The following EXOC4 variants were observed in gnomAD, a reference collection of about 807,000 sequenced individuals.
EXOC4 encodes the protein exocyst complex component 4.
In EXOC4, 71 loss-of-function variants were observed where a neutral mutation model predicts 107.2. The ratio of observed to expected loss-of-function variants is 0.66; its 90% CI spans 0.55 to 0.81. The LOEUF is 0.81. EXOC4 is among the 30% of genes least tolerant of loss of function. EXOC4 has a pLI of 0.00. For missense variants in EXOC4, 1,108 were observed against 1,189.6 expected, an observed-to-expected ratio of 0.93 and a Z score of 1.01; for synonymous variants, 456 against 441.2, an observed-to-expected ratio of 1.03 and a Z score of -0.42.
intron 11 of EXOC4, among the ~76,000 whole-genome samples, chr7:133,821,807 TC>T (rs1305995809): frequency 6.6e-6 from 1 of 152,082 alleles, no homozygotes; most frequent in Non-Finnish European, 1.5e-5. Context: ...CTCTCCTAAA[TC>T]CCCAGCTCCT....
intron 7 of EXOC4, among the ~76,000 whole-genome samples, chr7:133,449,194 T>C (rs947860940): frequency 2.0e-5 from 3 of 152,042 alleles, no homozygotes; most frequent in African/African-American, 7.2e-5. Context: ...AGGCAGAGAT[T>C]AGAGTAAAAC....
At chr7:133,811,128 A>G (rs975563804) in intron 10 of EXOC4, among the ~76,000 whole-genome samples, 4 of 152,172 alleles carry the variant, frequency 2.6e-5, no homozygotes, top group Admixed American at 6.5e-5. Flanking sequence ...CTCTTTTTCC[A>G]TATACACAGA....
At chr7:133,969,180 T>C (rs1478514242) in intron 14 of EXOC4, among the ~76,000 whole-genome samples, 1 of 152,250 alleles carries the variant, frequency 6.6e-6, no homozygotes, top group Non-Finnish European at 1.5e-5. Context: ...GCTGTGTTTT[T>C]CAGCTCCATC....
rs187325053 is a variant in EXOC4, at chr7:133,341,983, A to G, written c.764-14347A>G. Among the ~76,000 whole-genome samples, 4 of 152,248 alleles carry G rather than the reference A, an allele frequency of 2.6e-5. No homozygotes were observed. The East Asian group carries it at 7.7e-4, about 29-fold the overall frequency. Reference sequence around the variant, plus strand: ...ATACTTGGTTGATGAGTTCTTACCCATTCTGCCATTCTGTATCTTTTACGT... The same window carrying G: ...ATACTTGGTTGATGAGTTCTTACCCGTTCTGCCATTCTGTATCTTTTACGT... On this transcript the variant is annotated intron_variant, in intron 5 of 17. Coordinates refer to ENST00000253861, the MANE Select transcript of EXOC4 (RefSeq NM_021807.4).
At position 133,512,254 on chromosome 7, in the gene EXOC4, A is replaced by G. The variant is rs373884570; in HGVS notation, c.1417+32116A>G. On this transcript the variant is annotated intron_variant, in intron 9 of 17. Coordinates refer to ENST00000253861, the MANE Select transcript of EXOC4 (RefSeq NM_021807.4). ...AGACCAGCCTGGCCAACATGGGGAA[A>G]CCCCGTCTCTACAAAGAATACAAAA... is the stretch of plus-strand genomic sequence containing the variant. Among the ~76,000 whole-genome samples the G allele has an allele frequency of 9.3e-4, 142 of 152,072 alleles. 1 individual carries two copies. Among genetic ancestry groups the G allele is most frequent in the African/African-American group, 3.2e-3 (133 of 41,486 alleles).
intron 9 of EXOC4, among the ~76,000 whole-genome samples, chr7:133,604,486 G>A (rs964821829): frequency 3.9e-5 from 6 of 151,980 alleles, no homozygotes; most frequent in African/African-American, 1.4e-4. Context: ...CTAGGTGACA[G>A]GAATTTTTCT....
chr7:133,277,951 A>T (rs1794035456), intron 2 of EXOC4, among the ~76,000 whole-genome samples: 1 of 152,216 alleles, frequency 6.6e-6, no homozygotes, highest in Non-Finnish European at 1.5e-5. Context: ...AACATGGATG[A>T]TTCAGTAACG....
chr7:133,437,031 C>G (rs1160427828), intron 7 of EXOC4, among the ~76,000 whole-genome samples: 1 of 151,778 alleles, frequency 6.6e-6, no homozygotes, highest in Non-Finnish European at 1.5e-5. Flanking sequence ...GAGAAACTTC[C>G]ATGATTCATT....
chr7:133,423,489 T>C (rs1428253625), intron 7 of EXOC4, among the ~76,000 whole-genome samples: 1 of 152,248 alleles, frequency 6.6e-6, no homozygotes, highest in Non-Finnish European at 1.5e-5. Flanking sequence ...GGTGTGAGTA[T>C]GTGCATGTGT....
At chr7:133,689,344 C>G (rs2151075761) in intron 10 of EXOC4, among the ~76,000 whole-genome samples, 1 of 152,142 alleles carries the variant, frequency 6.6e-6, no homozygotes, top group East Asian at 1.9e-4. Flanking sequence ...TTCATGATAC[C>G]TGTTAAAGAT....
At chr7:133,766,249 A>G (rs1242195387) in intron 10 of EXOC4, among the ~76,000 whole-genome samples, 1 of 152,036 alleles carries the variant, frequency 6.6e-6, no homozygotes, top group African/African-American at 2.4e-5. Context: ...TTGGCAAGAC[A>G]TATTACAATT....
intron 9 of EXOC4, among the ~76,000 whole-genome samples, chr7:133,590,446 C>G (rs1400199624): frequency 6.6e-6 from 1 of 152,056 alleles, no homozygotes; most frequent in Admixed American, 6.6e-5. Flanking sequence ...CAAGCCTGAA[C>G]CTGCAGCCCA....
intron 7 of EXOC4, among the ~76,000 whole-genome samples, chr7:133,411,118 A>T (rs1797345720): frequency 6.6e-6 from 1 of 152,162 alleles, no homozygotes; most frequent in African/African-American, 2.4e-5. Flanking sequence ...TGGTTTACTT[A>T]ACTTTGGCCG....
At chr7:134,081,404 C>G in the EXOC4 span, among the ~76,000 whole-genome samples, 1 of 152,156 alleles carries the variant, frequency 6.6e-6, no homozygotes, top group Non-Finnish European at 1.5e-5. Context: ...ACAGCCTATA[C>G]TTTCTCTGCT....
At chr7:133,766,924 C>T (rs777971971) in intron 10 of EXOC4, among the ~76,000 whole-genome samples, 12 of 151,868 alleles carry the variant, frequency 7.9e-5, no homozygotes, top group Non-Finnish European at 1.2e-4. Context: ...TTCACTTCAT[C>T]CTCTCTGTTT....
intron 10 of EXOC4, among the ~76,000 whole-genome samples, chr7:133,671,536 C>T (rs1793945678): frequency 6.6e-6 from 1 of 152,084 alleles, no homozygotes; most frequent in South Asian, 2.1e-4. Flanking sequence ...CACTGCACTC[C>T]AGCCTGGGCG....
chr7:133,290,850 AC>A (rs1273659663), intron 3 of EXOC4: 3 of 152,150 alleles, frequency 2.0e-5, no homozygotes, highest in African/African-American at 7.2e-5. Context: ...GACTCATGTA[AC>A]CAGTCTGCCA....
chr7:133,719,430 C>T (rs1795061933), intron 10 of EXOC4, among the ~76,000 whole-genome samples: 1 of 151,762 alleles, frequency 6.6e-6, no homozygotes, highest in African/African-American at 2.4e-5. Flanking sequence ...GGAAAGTAAA[C>T]AAATTAAAAG....
At chr7:133,275,242 C>G (rs1022331307) in intron 2 of EXOC4, 71 bp downstream of exon 2, 2 of 1,251,612 alleles carry the variant, frequency 1.6e-6, no homozygotes, top group Non-Finnish European at 2.1e-6. Context: ...TGGAGAGGAG[C>G]CATGGTAGTG....
Sources: allele counts gnomAD v4.1 joint callset (sites outside exome capture counted in the v4.1 genomes callset), GRCh38; gene constraint gnomAD v4.1.1; transcripts MANE v1.5; gene names NCBI Gene and HGNC (gene_info 2026-07-23, HGNC 2026-07-21).